PTGDR2: variants seen among roughly 807,000 people sequenced by gnomAD.
PTGDR2 encodes the protein G-protein coupled receptor 44.
For missense variants in PTGDR2, 544 were observed against 576.6 expected (o/e 0.94, Z 0.58); for synonymous variants, 276 against 278.4 (o/e 0.99, Z 0.09).
In PTGDR2 at chr11:60,853,174, G is replaced by T; in HGVS notation, c.549C>A (p.Tyr183Ter). The part of the protein sequence containing the change: ...ISRLDGRIMC[Y>*]YNVLLLNPGP... Reference sequence around the variant, plus strand: ...CCGGGTTCAGGAGCAGCACATTGTAGTAGCACATAATGCGCCCGTCCAGCC... The same window carrying T: ...CCGGGTTCAGGAGCAGCACATTGTATTAGCACATAATGCGCCCGTCCAGCC... The change falls in exon 2 of 2, where the codon TAC becomes TAA. Residue 183 changes from tyrosine (Y) to a stop codon, truncating the protein, a stop_gained. Transcript: ENST00000332539. LOFTEE classifies it low-confidence loss of function (END_TRUNC). 2 of 1,610,046 alleles carry T rather than the reference G, an allele frequency of 1.2e-6. No individual in the cohort carries two copies. Among genetic ancestry groups the T allele is most frequent in the Non-Finnish European group, 8.5e-7 (1 of 1,179,880 alleles).
chr11:60,853,752 C>T (rs1478653271), intron 1 of PTGDR2, 21 bp from the exon 2 acceptor site: 8 of 1,503,916 alleles, frequency 5.3e-6, no homozygotes, highest in African/African-American at 4.2e-5. Context: ...GGGAAGGAGG[C>T]GCCTAAGTTG....
chr11:60,852,510 A>G lies in PTGDR2; in HGVS notation c.*25T>C. On this transcript the variant is annotated 3_prime_UTR_variant, in exon 2 of 2. Coordinates refer to ENST00000332539, the MANE Select transcript of PTGDR2 (RefSeq NM_004778.3). ...CACCCTGGTGATACTTTCGCGTGTG[A>G]GTGCCGCCCTACGTGGGCCGGGTTC... The G allele has an allele frequency of 3.2e-6, 4 of 1,248,850 alleles. No homozygotes were observed. In the South Asian group the frequency reaches 1.1e-4, roughly 34 times the overall value. The allele number at this position is 1,248,850 out of a possible 1,614,324, so 77.4% of individuals were successfully genotyped here.
In PTGDR2 at chr11:60,853,311, A is replaced by T; in HGVS notation, c.412T>A (p.Trp138Arg). The change falls in exon 2 of 2, where the codon TGG becomes AGG. Residue 138 changes from tryptophan (W) to arginine (R), a missense_variant. Trp to Arg is a moderately radical substitution (Grantham distance 101, BLOSUM62 -3). Transcript: ENST00000332539. ...DRCLQVVRPV[W>R]AQNHRTVAAA... is the part of the protein sequence containing the mutation. Reference sequence around the variant, plus strand: ...GCCACGGTGCGGTGGTTCTGCGCCCACACCGGCCGCACCACCTGCAGGCAG... The same window carrying T: ...GCCACGGTGCGGTGGTTCTGCGCCCTCACCGGCCGCACCACCTGCAGGCAG... 6.2e-7 allele frequency: 1 copy of T among 1,611,238 alleles called. No individual in the cohort carries two copies. The highest frequency in any genetic ancestry group is 8.5e-7 in the Non-Finnish European group (1 of 1,179,114).
intron 1 of PTGDR2, 52 bp from the exon 2 acceptor site, chr11:60,853,783 G>A: frequency 7.1e-7 from 1 of 1,410,948 alleles, no homozygotes; most frequent in Non-Finnish European, 9.5e-7. Context: ...GGCCACCGGG[G>A]AACCAAGAGA....
rs529294569 is a variant in PTGDR2, at chr11:60,852,487, C to G, written c.*48G>C. The G allele has an allele frequency of 8.1e-7, 1 of 1,240,110 alleles. No individual in the cohort carries two copies. Among genetic ancestry groups the G allele is most frequent in the Non-Finnish European group, 1.0e-6 (1 of 990,894 alleles). The allele number at this position is 1,240,110 out of a possible 1,614,324, so 76.8% of individuals were successfully genotyped here. ...CCGGATATCGAATTGAACCGCGGCA[C>G]CCTGGTGATACTTTCGCGTGTGAGT... On this transcript the variant is annotated 3_prime_UTR_variant, in exon 2 of 2. Transcript: ENST00000332539.
At position 60,853,188 on chromosome 11, in the gene PTGDR2, G is replaced by C. The variant is rs560069216; in HGVS notation, c.535C>G (p.Arg179Gly). 19 of 1,610,786 alleles carry C rather than the reference G, an allele frequency of 1.2e-5. No homozygotes were observed. The highest frequency in any genetic ancestry group is 1.6e-5 in the Non-Finnish European group (19 of 1,179,884). Residue 179 changes from arginine (R) to glycine (G), a missense_variant, in exon 2 of 2, where the codon CGC becomes GGC. Coordinates refer to ENST00000332539, the MANE Select transcript of PTGDR2 (RefSeq NM_004778.3). The part of the protein sequence containing the change: ...FRDTISRLDG[R>G]IMCYYNVLLL... Reference sequence around the variant, plus strand: ...AGCACATTGTAGTAGCACATAATGCGCCCGTCCAGCCGCGAGATGGTGTCC... The same window carrying C: ...AGCACATTGTAGTAGCACATAATGCCCCCGTCCAGCCGCGAGATGGTGTCC...
Position 60,853,104 on chromosome 11 carries a change from C to T in PTGDR2, c.619G>A (p.Ala207Thr), listed in dbSNP as rs1855303675. Residue 207 changes from alanine to threonine, a missense_variant, in exon 2 of 2, where the codon GCC (alanine) becomes ACC (threonine). Transcript: ENST00000332539. The part of the protein sequence containing the change: ...ATCNSRQVAL[A>T]VSKFLLAFLV... ...AAGGCCAGCAGGAACTTGCTGACGG[C>T]CAGGGCCACCTGCCGCGAGTTGCAC... The T allele has an allele frequency of 2.5e-6, 4 of 1,602,416 alleles. No homozygotes were observed. Among genetic ancestry groups the T allele is most frequent in the Admixed American group, 1.7e-5 (1 of 59,684 alleles).
rs1327236013 is a variant in PTGDR2, at chr11:60,851,763, G to C, written c.*772C>G. 1 of 152,236 alleles carries C rather than the reference G, an allele frequency of 6.6e-6. No individual in the cohort carries two copies. Among genetic ancestry groups the C allele is most frequent in the Non-Finnish European group, 1.5e-5 (1 of 68,062 alleles). 9.4% of individuals were successfully genotyped at this position (152,236 alleles called of 1,614,324 possible). ...CCTTGGAAGCACTTTGGGCAGTGCTGGGTCACAAGGTAGCATCTTAAGTCC... is the reference window on the plus strand; with the variant it reads ...CCTTGGAAGCACTTTGGGCAGTGCTCGGTCACAAGGTAGCATCTTAAGTCC... On this transcript the variant is annotated 3_prime_UTR_variant, in exon 2 of 2. Transcript: ENST00000332539.
At position 60,853,244 on chromosome 11, in the gene PTGDR2, ACCGCTAGT is replaced by A; in HGVS notation, c.471_478del (p.Leu158AlafsTer34). 6.2e-7 allele frequency: 1 copy of A among 1,613,276 alleles called. No homozygotes were observed. Among genetic ancestry groups the A allele is most frequent in the South Asian group, 1.1e-5 (1 of 91,044 alleles). ...CACGAAATAGGGCACCGTGTTGAGC[ACCGCTAGT>A]GCCCAAAGCACCAGGCAGACTTTGT... On this transcript the variant is annotated frameshift_variant, in exon 2 of 2. Transcript: ENST00000332539. LOFTEE classifies it low-confidence loss of function (END_TRUNC).
intron 1 of PTGDR2, among the ~76,000 whole-genome samples, chr11:60,854,530 A>AAATAAG (rs1855330467): frequency 6.6e-6 from 1 of 152,206 alleles, no homozygotes; most frequent in South Asian, 2.1e-4. Flanking sequence ...CTCATCCAAC[A>AAATAAG]AATAAGACGT....
Position 60,853,804 on chromosome 11 carries a change from G to A in PTGDR2, c.-9-73C>T, listed in dbSNP as rs1423767935. On this transcript the variant is annotated intron_variant, in intron 1 of 1. Transcript: ENST00000332539. ...CGGGGAACCAAGAGAGAGGCCCGGA[G>A]TGGGACCCTGCCCAGGAGATGCCAA... The A allele has an allele frequency of 8.1e-6, 10 of 1,234,578 alleles. No homozygotes were observed. In the Admixed American group the frequency reaches 1.0e-4, roughly 12 times the overall value. The allele number at this position is 1,234,578 out of a possible 1,614,324, so 76.5% of individuals were successfully genotyped here.
rs188720050 is a variant in PTGDR2, at chr11:60,854,079, G to A, written c.-9-348C>T. Among the ~76,000 whole-genome samples the A allele has an allele frequency of 2.0e-5, 3 of 152,284 alleles. No individual in the cohort carries two copies. The East Asian group carries it at 5.8e-4, about 29-fold the overall frequency. On this transcript the variant is annotated intron_variant, in intron 1 of 1. Coordinates refer to ENST00000332539, the MANE Select transcript of PTGDR2 (RefSeq NM_004778.3). ...TCATTGTGATGATTATGGAGCAAAT[G>A]GTCTAAGATCACACAGAGAAAAAGG...
At chr11:60,853,753 G>A (rs1171165029) in intron 1 of PTGDR2, 22 bp from the exon 2 acceptor site, 5 of 1,501,538 alleles carry the variant, frequency 3.3e-6, no homozygotes, top group Non-Finnish European at 4.5e-6. Context: ...GGAAGGAGGC[G>A]CCTAAGTTGG....
At position 60,851,644 on chromosome 11, in the gene PTGDR2, C is replaced by G. The variant is rs541568944; in HGVS notation, c.*891G>C. 1.3e-5 allele frequency: 2 copies of G among 152,376 alleles called. No homozygotes were observed. The highest frequency in any genetic ancestry group is 4.8e-5 in the African/African-American group (2 of 41,584). The allele number at this position is 152,376 out of a possible 1,614,324, so 9.4% of individuals were successfully genotyped here. On this transcript the variant is annotated 3_prime_UTR_variant, in exon 2 of 2. Transcript: ENST00000332539. ...TAGAGTTGCTGTGCCCATTCAACTT[C>G]TAACGACCGAAGACTTTTAGTCATT... is the stretch of plus-strand genomic sequence containing the variant.
Position 60,853,249 on chromosome 11 carries a change from T to A in PTGDR2, c.474A>T (p.Leu158=), listed in dbSNP as rs764534015. The change falls in exon 2 of 2, where the codon CTA becomes CTT. Residue 158 remains leucine (L), a synonymous_variant. Coordinates refer to ENST00000332539, the MANE Select transcript of PTGDR2 (RefSeq NM_004778.3). ...AHKVCLVLWA[L]AVLNTVPYFV... is the part of the protein sequence containing the mutation. ...AATAGGGCACCGTGTTGAGCACCGC[T>A]AGTGCCCAAAGCACCAGGCAGACTT... The A allele has an allele frequency of 1.2e-6, 2 of 1,613,272 alleles. No individual in the cohort carries two copies. The highest frequency in any genetic ancestry group is 1.7e-6 in the Non-Finnish European group (2 of 1,179,808).
chr11:60,852,861 A>G lies in PTGDR2; in HGVS notation c.862T>C (p.Phe288Leu). 6.5e-7 allele frequency: 1 copy of G among 1,549,172 alleles called. No homozygotes were observed. Among genetic ancestry groups the G allele is most frequent in the Non-Finnish European group, 8.7e-7 (1 of 1,147,392 alleles). Residue 288 changes from phenylalanine (F) to leucine (L), a missense_variant, in exon 2 of 2, where the codon TTC (phenylalanine) becomes CTC (leucine). By Grantham distance (22) the Phe-to-Leu change is conservative. Coordinates refer to ENST00000332539, the MANE Select transcript of PTGDR2 (RefSeq NM_004778.3). ...TTGAAGAAGGCCAGGCTGGTGACGA[A>G]GGGCAGCCCGCGCCACACGAGCGGC... is the stretch of plus-strand genomic sequence containing the variant. ...LRPLVWRGLP[F>L]VTSLAFFNSV...
rs745798810 is a variant in PTGDR2 at position 60,853,113 on chromosome 11, C to G, written c.610G>C (p.Val204Leu). ...AGGAACTTGCTGACGGCCAGGGCCA[C>G]CTGCCGCGAGTTGCACGTGGCATCG... ...DRDATCNSRQ[V>L]ALAVSKFLLA... Residue 204 changes from valine (V) to leucine (L), a missense_variant, in exon 2 of 2, where the codon GTG becomes CTG. Val to Leu is a conservative substitution (Grantham distance 32). Transcript: ENST00000332539. 1 of 1,604,836 alleles carries G rather than the reference C, an allele frequency of 6.2e-7. No individual in the cohort carries two copies. Among genetic ancestry groups the G allele is most frequent in the Non-Finnish European group, 8.5e-7 (1 of 1,179,186 alleles).
chr11:60,852,529 C>G lies in PTGDR2; in HGVS notation c.*6G>C. ...CGTGTGAGTGCCGCCCTACGTGGGCCGGGTTCTAACTCGAGGTGCTGCTCA... is the reference window on the plus strand; with the variant it reads ...CGTGTGAGTGCCGCCCTACGTGGGCGGGGTTCTAACTCGAGGTGCTGCTCA... On this transcript the variant is annotated 3_prime_UTR_variant, in exon 2 of 2. Coordinates refer to ENST00000332539, the MANE Select transcript of PTGDR2 (RefSeq NM_004778.3). The G allele has an allele frequency of 7.9e-7, 1 of 1,260,942 alleles. No individual in the cohort carries two copies. Among genetic ancestry groups the G allele is most frequent in the Non-Finnish European group, 1.0e-6 (1 of 1,004,810 alleles). The allele number at this position is 1,260,942 out of a possible 1,614,324, so 78.1% of individuals were successfully genotyped here.
rs55705908 is a variant in PTGDR2, at chr11:60,853,684, G to A, written c.39C>T (p.Ile13=). Residue 13 remains isoleucine (I), a synonymous_variant, in exon 2 of 2, where the codon ATC becomes ATT. Transcript: ENST00000332539. ...ANATLKPLCP[I]LEQMSRLQSH... is the part of the protein sequence containing the mutation. ...TCTGGAGACGGCTCATCTGCTCCAG[G>A]ATGGGGCAGAGTGGCTTCAGTGTGG... The A allele has an allele frequency of 2.1e-4, 329 of 1,555,828 alleles. 3 individuals carry two copies. The East Asian group carries it at 5.7e-3, about 27-fold the overall frequency.
Sources: allele counts gnomAD v4.1 joint callset (sites outside exome capture counted in the v4.1 genomes callset), GRCh38; gene constraint gnomAD v4.1.1; transcripts MANE v1.5; gene names NCBI Gene and HGNC (gene_info 2026-07-23, HGNC 2026-07-21).